The following NAIP variants were observed in gnomAD, a reference collection of about 807,000 sequenced individuals.
NAIP encodes NLR family apoptosis inhibitory protein, also known as baculoviral IAP repeat-containing protein 1.
A neutral mutation model predicts 23.0 loss-of-function variants in NAIP; 15 were observed. That is an observed-to-expected ratio of 0.65 (90% CI 0.44 to 1.00). The LOEUF is 1.00. Among genes scored for constraint, NAIP ranks in the 50% least tolerant of loss-of-function variants. The probability of loss-of-function intolerance (pLI) is 0.00; values close to 1 mark genes in which losing one functional copy is unlikely to be tolerated. For synonymous variants in NAIP, 100 were observed against 100.2 expected, an observed-to-expected ratio of 1.00 and a Z score of 0.01; for missense variants, 265 against 278.8, an observed-to-expected ratio of 0.95 and a Z score of 0.35.
chr5:71,012,047 A>C (rs1399977537), intron 4 of NAIP, among the ~76,000 whole-genome samples: 1 of 151,600 alleles, frequency 6.6e-6, no homozygotes, highest in Non-Finnish European at 1.5e-5. Flanking sequence ...GGATGACCGC[A>C]TGAGTTATTT....
intron 5 of NAIP, among the ~76,000 whole-genome samples, chr5:71,008,758 T>C (rs1580928107): frequency 1.3e-5 from 1 of 78,076 alleles, no homozygotes; most frequent in Non-Finnish European, 2.2e-5. Flanking sequence ...GAGCCAAGAT[T>C]GCACCGCTGC....
chr5:71,010,025 T>C (rs1300411754), intron 5 of NAIP, among the ~76,000 whole-genome samples: 3 of 151,732 alleles, frequency 2.0e-5, no homozygotes, highest in Non-Finnish European at 4.4e-5. Context: ...TAGCAGTACA[T>C]GAAACCATTT....
At position 71,012,524 on chromosome 5, in the gene NAIP, T is replaced by A; in HGVS notation, c.392A>T (p.Asp131Val). 3 of 1,611,780 alleles carry A rather than the reference T, an allele frequency of 1.9e-6. No individual in the cohort carries two copies. Among genetic ancestry groups the A allele is most frequent in the Non-Finnish European group, 2.5e-6 (3 of 1,178,474 alleles). ...HPDCGFLLNK[D>V]VGNIAKYDIR... ...GTCGTACTTGGCAATGTTACCAACA[T>A]CCTTGTTCAAAAGGAACCCACAATC... Residue 131 changes from aspartate to valine, a missense_variant, in exon 4 of 17, where the codon GAT (aspartate) becomes GTT (valine). Coordinates refer to ENST00000517649, the MANE Select transcript of NAIP (RefSeq NM_004536.3).
intron 3 of NAIP, among the ~76,000 whole-genome samples, chr5:71,014,345 G>T (rs1414386064): frequency 6.6e-6 from 1 of 151,240 alleles, no homozygotes; most frequent in Admixed American, 6.6e-5. Flanking sequence ...TGATCCGCCT[G>T]CCTTGGCTTC....
In NAIP at chr5:71,012,867, G is replaced by C. The variant is rs139139439; in HGVS notation, c.49C>G (p.His17Asp). ...GCAGACAGCTCTGGCAGCAAATTGT[G>C]ATCAAACTGGGAGATCCTCTCGTCA... ...ASDERISQFD[H>D]NLLPELSALL... Residue 17 changes from histidine (H) to aspartate (D), a missense_variant, in exon 4 of 17, where the codon CAC (histidine) becomes GAC (aspartate). Around this residue, in one of 2 missense-constraint regions of NAIP, gnomAD observed 261 missense variants for 259.2 expected, o/e 1.01. Coordinates refer to ENST00000517649, the MANE Select transcript of NAIP (RefSeq NM_004536.3). 1.2e-6 allele frequency: 2 copies of C among 1,608,830 alleles called. No homozygotes were observed. The highest frequency in any genetic ancestry group is 1.7e-6 in the Non-Finnish European group (2 of 1,177,414).
At chr5:71,013,944 A>C (rs1751303536) in intron 3 of NAIP, among the ~76,000 whole-genome samples, 1 of 151,446 alleles carries the variant, frequency 6.6e-6, no homozygotes, top group South Asian at 2.1e-4. Flanking sequence ...CTTAACTTCG[A>C]GAATAAGGGT....
intron 13 of NAIP, among the ~76,000 whole-genome samples, chr5:70,977,995 C>CA (rs556331377): frequency 0.12 from 11,486 of 93,878 alleles, 608 homozygotes; most frequent in Admixed American, 0.18. Flanking sequence ...GACTCTGTCT[C>CA]AAAAAAAAAA....
At chr5:71,016,049 G>A (rs1330592150) in intron 3 of NAIP, among the ~76,000 whole-genome samples, 1 of 147,160 alleles carries the variant, frequency 6.8e-6, no homozygotes. Flanking sequence ...TGAGGCCAAG[G>A]CGGGAGGATT....
intron 9 of NAIP, among the ~76,000 whole-genome samples, chr5:70,996,356 TAAG>T (rs1180868971): frequency 2.5e-5 from 3 of 122,130 alleles, no homozygotes; most frequent in African/African-American, 5.7e-5. Flanking sequence ...CTGAATGACT[TAAG>T]AGGAGATTTA....
rs202204990 is a variant in NAIP, at chr5:71,012,594, C to T, written c.322G>A (p.Gly108Ser). 172 of 1,611,816 alleles carry T rather than the reference C, an allele frequency of 1.1e-4. 6 individuals are homozygous for T. The highest frequency in any genetic ancestry group is 8.2e-4 in the Middle Eastern group (5 of 6,062). The stretch of plus-strand genomic sequence containing the variant: ...TCTTCTATGGGGAGTCTCGTGAGGC[C>T]GGCACCAAAGAGGATTAGGCTACAG... Reference protein sequence around the residue: ...FCCSLILFGAGLTRLPIEDHK... With the variant: ...FCCSLILFGASLTRLPIEDHK... Residue 108 changes from glycine to serine, a missense_variant, in exon 4 of 17, where the codon GGC (glycine) becomes AGC (serine). By Grantham distance (56) the Gly-to-Ser change is moderately conservative. Around this residue, in one of 2 missense-constraint regions of NAIP, gnomAD observed 261 missense variants for 259.2 expected, o/e 1.01. Transcript: ENST00000517649.
chr5:70,981,122 C>T, intron 12 of NAIP, among the ~76,000 whole-genome samples: 1 of 147,878 alleles, frequency 6.8e-6, no homozygotes, highest in Non-Finnish European at 1.5e-5. Flanking sequence ...TTCACAACTA[C>T]TAGAATGGCT....
intron 5 of NAIP, among the ~76,000 whole-genome samples, chr5:71,010,041 A>C (rs1377846774): frequency 1.3e-5 from 2 of 151,644 alleles, no homozygotes; most frequent in Non-Finnish European, 2.9e-5. Flanking sequence ...CATTTGTAAT[A>C]ATGTTTAAAT....
At chr5:71,009,880 A>T (rs1020836546) in intron 5 of NAIP, among the ~76,000 whole-genome samples, 2 of 151,558 alleles carry the variant, frequency 1.3e-5, no homozygotes, top group Non-Finnish European at 2.9e-5. Flanking sequence ...AAAGTCATGT[A>T]GAAAATACTA....
chr5:70,989,554 T>TA (rs1159377335), intron 9 of NAIP, among the ~76,000 whole-genome samples: 1 of 64,650 alleles, frequency 1.5e-5, no homozygotes, highest in Non-Finnish European at 2.7e-5. Flanking sequence ...AACAAAAAAT[T>TA]AAAAAAGAAA....
intron 13 of NAIP, among the ~76,000 whole-genome samples, chr5:70,977,757 C>CTGAGGTGGG (rs1750334873): frequency 7.4e-6 from 1 of 135,632 alleles, no homozygotes; most frequent in Non-Finnish European, 1.6e-5. Flanking sequence ...CTTTGGGAGG[C>CTGAGGTGGG]TGAGGTGGGC....
At chr5:71,010,932 T>C (rs1338666820) in intron 5 of NAIP, among the ~76,000 whole-genome samples, 1 of 151,226 alleles carries the variant, frequency 6.6e-6, no homozygotes, top group African/African-American at 2.4e-5. Context: ...ATTTTGTCTT[T>C]TAAAGAACTG....
chr5:71,011,207 T>A, intron 5 of NAIP, 68 bp downstream of exon 5: 2 of 1,215,212 alleles, frequency 1.6e-6, no homozygotes, highest in Middle Eastern at 4.3e-4. Flanking sequence ...TACTCCAGCC[T>A]GGGTGGCAGA....
At chr5:71,008,867 C>G (rs1249051383) in intron 5 of NAIP, among the ~76,000 whole-genome samples, 1 of 131,628 alleles carries the variant, frequency 7.6e-6, no homozygotes, top group Non-Finnish European at 1.6e-5. Flanking sequence ...ACTGCTAGAT[C>G]CAAGTGTCAG....
intron 3 of NAIP, among the ~76,000 whole-genome samples, chr5:71,013,366 C>T (rs767232354): frequency 1.3e-5 from 2 of 150,590 alleles, no homozygotes; most frequent in African/African-American, 2.4e-5. Context: ...TGGCCGGGCG[C>T]GGTGGCTCAC....
Sources: allele counts gnomAD v4.1 joint callset (sites outside exome capture counted in the v4.1 genomes callset), GRCh38; gene constraint gnomAD v4.1.1; regional missense constraint gnomAD v4.1.1; transcripts MANE v1.5; gene names NCBI Gene and HGNC (gene_info 2026-07-23, HGNC 2026-07-21).